The following ITPR1 variants were observed in gnomAD, a reference collection of about 807,000 sequenced individuals.
The protein encoded by ITPR1 is inositol 1,4,5-trisphosphate receptor type 1, also known as inositol 1,4,5-trisphosphate-gated calcium channel ITPR1.
In ITPR1, 96 loss-of-function variants were observed where a neutral mutation model predicts 318.4. The ratio of observed to expected loss-of-function variants is 0.30; its 90% confidence interval spans 0.26 to 0.36. ITPR1 has a LOEUF of 0.36. Ranked by LOEUF, ITPR1 falls within the 10% of genes least tolerant of loss-of-function variation. The pLI, the probability that ITPR1 is intolerant of heterozygous loss-of-function variation, is 1.00. For synonymous variants in ITPR1, 1,312 were observed against 1,289.9 expected, an observed-to-expected ratio of 1.02 and a Z score of -0.37; for missense variants, 2,440 against 3,460.2, an observed-to-expected ratio of 0.71 and a Z score of 7.40.
At chr3:4,580,134 C>T (rs1028822689) in intron 4 of ITPR1, among the ~76,000 whole-genome samples, 7 of 151,866 alleles carry the variant, frequency 4.6e-5, no homozygotes, top group Non-Finnish European at 8.8e-5. Flanking sequence ...GGCGTGAACC[C>T]GGGAGGCGGA....
chr3:4,555,636 GT>G (rs983649523), intron 4 of ITPR1, among the ~76,000 whole-genome samples: 1 of 152,100 alleles, frequency 6.6e-6, no homozygotes, highest in Non-Finnish European at 1.5e-5. Context: ...CTACAATCTA[GT>G]TTTTTTCAGC....
At chr3:4,839,653 G>A (rs2051192435) in intron 61 of ITPR1, among the ~76,000 whole-genome samples, 1 of 152,138 alleles carries the variant, frequency 6.6e-6, no homozygotes. Context: ...TTATACAAGT[G>A]AGCATAGTAG....
At chr3:4,658,012 A>G in intron 12 of ITPR1, 112 bp from the exon 13 acceptor site, 2 of 1,037,728 alleles carry the variant, frequency 1.9e-6, no homozygotes, top group Non-Finnish European at 2.8e-6. Flanking sequence ...TTTCCTGCCA[A>G]CTGCTGACAT....
In ITPR1 at chr3:4,791,346, G is replaced by A. The variant is rs141531170; in HGVS notation, c.6808+3207G>A. On this transcript the variant is annotated intron_variant, in intron 52 of 61. Coordinates refer to ENST00000649015, the MANE Select transcript of ITPR1 (RefSeq NM_001378452.1). ...CATGGAAGACAATTTTCCACAGATC[G>A]GAGGGATGATTTGGGGATGAAACTG... is the stretch of plus-strand genomic sequence containing the variant. Among the ~76,000 whole-genome samples the A allele has an allele frequency of 4.4e-4, 67 of 152,268 alleles. No individual in the cohort carries two copies. In the East Asian group the frequency reaches 7.9e-3, roughly 18 times the overall value.
intron 4 of ITPR1, among the ~76,000 whole-genome samples, chr3:4,581,915 T>C (rs1156908671): frequency 6.6e-6 from 1 of 151,996 alleles, no homozygotes; most frequent in Admixed American, 6.5e-5. Context: ...TGTTTGGGTC[T>C]TGAAGATTTT....
At chr3:4,671,251 A>G (rs991175208) in intron 20 of ITPR1, among the ~76,000 whole-genome samples, 2 of 152,184 alleles carry the variant, frequency 1.3e-5, no homozygotes, top group Non-Finnish European at 2.9e-5. Flanking sequence ...TCCGCTTACC[A>G]GTTTTTTGAC....
chr3:4,640,789 T>A lies in ITPR1; in HGVS notation c.367-1304T>A, dbSNP rs574961916. The stretch of plus-strand genomic sequence containing the variant: ...GAATAAGCAGTGGATACACCATAAT[T>A]AATCTTAGTTATTATTACTTCCCCC... On this transcript the variant is annotated intron_variant, in intron 6 of 61. Transcript: ENST00000649015. Among the ~76,000 whole-genome samples, 9 of 152,320 alleles carry A rather than the reference T, an allele frequency of 5.9e-5. No homozygotes were observed. The South Asian group carries it at 1.9e-3, about 32-fold the overall frequency.
At chr3:4,691,054 T>C in intron 31 of ITPR1, 90 bp from the exon 32 acceptor site, 1 of 801,908 alleles carries the variant, frequency 1.2e-6, no homozygotes, top group Non-Finnish European at 1.9e-6. Context: ...CTTGTGTGTG[T>C]TTCAGTGGAC....
At chr3:4,494,933 A>T (rs2124853613) in intron 2 of ITPR1, among the ~76,000 whole-genome samples, 1 of 152,324 alleles carries the variant, frequency 6.6e-6, no homozygotes, top group Admixed American at 6.5e-5. Flanking sequence ...TAATCAGAGT[A>T]GGTTGGATTG....
intron 4 of ITPR1, among the ~76,000 whole-genome samples, chr3:4,525,170 C>T (rs945273294): frequency 6.6e-6 from 1 of 152,088 alleles, no homozygotes; most frequent in Non-Finnish European, 1.5e-5. Flanking sequence ...CTCGTGTATG[C>T]AAGCTGAGTA....
chr3:4,536,622 T>C (rs304051), intron 4 of ITPR1, among the ~76,000 whole-genome samples: 67,725 of 152,096 alleles, frequency 0.45, 16,943 homozygotes, highest in African/African-American at 0.69. Flanking sequence ...GAATCCCAGA[T>C]GAGCTTTTAG....
At chr3:4,683,967 C>T (rs997081360) in intron 28 of ITPR1, among the ~76,000 whole-genome samples, 169 bp downstream of exon 28, 1 of 152,158 alleles carries the variant, frequency 6.6e-6, no homozygotes, top group Admixed American at 6.5e-5. Flanking sequence ...AGCTACGAAT[C>T]AAAGTTTAGC....
Position 4,843,806 on chromosome 3 carries a change from G to A in ITPR1, c.8191-2333G>A, listed in dbSNP as rs1382453900. Reference sequence around the variant, plus strand: ...CTGCTAACTGAGGAGGCATCAGGCCGCGGCTGTGGAAGTGAAAAGGAAGCC... The same window carrying A: ...CTGCTAACTGAGGAGGCATCAGGCCACGGCTGTGGAAGTGAAAAGGAAGCC... On this transcript the variant is annotated intron_variant, in intron 61 of 61. Transcript: ENST00000649015. Among the ~76,000 whole-genome samples, 4 of 152,126 alleles carry A rather than the reference G, an allele frequency of 2.6e-5. No individual in the cohort carries two copies. In the East Asian group the frequency reaches 5.8e-4, roughly 22 times the overall value.
intron 42 of ITPR1, 124 bp downstream of exon 42, chr3:4,727,297 C>T (rs1396298203): frequency 1.5e-6 from 1 of 645,674 alleles, no homozygotes; most frequent in East Asian, 2.7e-5. Flanking sequence ...TTAATTGACT[C>T]AAGAGCAATC....
In ITPR1 at chr3:4,663,085, A is replaced by C. The variant is rs1210196140; in HGVS notation, c.1433A>C (p.Glu478Ala). Reference protein sequence around the residue: ...NERRSVTKLLEDLVYFVTGGT... With the variant: ...NERRSVTKLLADLVYFVTGGT... The stretch of plus-strand genomic sequence containing the variant: ...CTAAGGTCTGTAACCAAGCTGCTAG[A>C]AGATTTGGTTTACTTCGTCACTGGT... Residue 478 changes from glutamate to alanine, a missense_variant, in exon 16 of 62, where the codon GAA (glutamate) becomes GCA (alanine). By Grantham distance (107) the Glu-to-Ala change is moderately radical. Transcript: ENST00000649015. The C allele has an allele frequency of 3.1e-6, 5 of 1,613,638 alleles. No individual in the cohort carries two copies. The Admixed American group carries it at 5.0e-5, about 16-fold the overall frequency.
chr3:4,634,409 GCCACA>G, intron 5 of ITPR1, among the ~76,000 whole-genome samples: 1 of 151,774 alleles, frequency 6.6e-6, no homozygotes, highest in Non-Finnish European at 1.5e-5. Context: ...TTGGGGTTTT[GCCACA>G]TTGCCCAGGC....
intron 44 of ITPR1, among the ~76,000 whole-genome samples, chr3:4,762,299 CAGTG>C (rs2045510821): frequency 6.6e-6 from 1 of 152,214 alleles, no homozygotes; most frequent in Non-Finnish European, 1.5e-5. Flanking sequence ...TGAAAGCAGT[CAGTG>C]AGTGTTAGCT....
chr3:4,614,576 C>T (rs2092309764), intron 4 of ITPR1, among the ~76,000 whole-genome samples: 2 of 152,206 alleles, frequency 1.3e-5, no homozygotes, highest in Non-Finnish European at 2.9e-5. Flanking sequence ...TCATACAGCT[C>T]ACATGTGATA....
chr3:4,513,134 C>T (rs1295560483), intron 2 of ITPR1, among the ~76,000 whole-genome samples: 15 of 152,176 alleles, frequency 9.9e-5, no homozygotes, highest in Non-Finnish European at 1.3e-4. Context: ...CGGGCTCTCC[C>T]ACCCAGCTCT....
Sources: gnomAD v4.1 joint callset for allele counts (sites outside exome capture counted in the v4.1 genomes callset) on GRCh38, gnomAD v4.1.1 for gene constraint, MANE v1.5 for transcripts, NCBI Gene and HGNC (gene_info 2026-07-23, HGNC 2026-07-21) for gene names.